The following CFAP91 variants were observed in gnomAD, a reference collection of about 807,000 sequenced individuals.
CFAP91 encodes the protein cilia and flagella associated protein 91.
CFAP91 carries 85 observed loss-of-function variants against 95.9 expected under a neutral mutation model. The observed-to-expected ratio is 0.89, with a 90% CI of 0.74 to 1.06. The LOEUF (loss-of-function observed/expected upper bound fraction) is 1.06, where lower values mean the gene tolerates loss of function less well. CFAP91 is among the 50% of genes least tolerant of loss of function. The probability of loss-of-function intolerance (pLI) is 0.00; values close to 1 mark genes in which losing one functional copy is unlikely to be tolerated. For synonymous variants in CFAP91, 335 were observed against 327.5 expected (o/e 1.02, Z -0.25); for missense variants, 962 against 943.4 (o/e 1.02, Z -0.26).
chr3:119,734,565 A>T lies in CFAP91; in HGVS notation c.1344+1059A>T, dbSNP rs2053965097. Among the ~76,000 whole-genome samples, 3 of 152,210 alleles carry T rather than the reference A, an allele frequency of 2.0e-5. No homozygotes were observed. The South Asian group carries it at 6.2e-4, about 31-fold the overall frequency. On this transcript the variant is annotated intron_variant, in intron 10 of 17. Transcript: ENST00000273390. ...TTTTTGTATATTTTTTAATTATTGT[A>T]GTAACATTTATAATTGTTTATAAAT...
At chr3:119,763,536 A>G (rs1007476114) in intron 17 of CFAP91, among the ~76,000 whole-genome samples, 2 of 152,140 alleles carry the variant, frequency 1.3e-5, no homozygotes, top group African/African-American at 4.8e-5. Context: ...CTGCAGCATT[A>G]ATCACAATAG....
intron 17 of CFAP91, among the ~76,000 whole-genome samples, chr3:119,761,884 T>C (rs2054544429): frequency 6.6e-6 from 1 of 151,936 alleles, no homozygotes; most frequent in African/African-American, 2.4e-5. Flanking sequence ...ACTAACATCA[T>C]TCTCAACAGT....
chr3:119,758,046 AGTTT>A (rs1410191952), intron 17 of CFAP91, among the ~76,000 whole-genome samples: 7 of 152,018 alleles, frequency 4.6e-5, no homozygotes, highest in South Asian at 2.1e-4. Context: ...ATATGTGTGT[AGTTT>A]GTTTGTTTGG....
chr3:119,743,847 C>T (rs1488067481), intron 13 of CFAP91, 128 bp from the exon 14 acceptor site: 1 of 824,084 alleles, frequency 1.2e-6, no homozygotes, highest in East Asian at 2.7e-5. Context: ...GGTAATATTC[C>T]CAGTAAAAAT....
intron 10 of CFAP91, 89 bp downstream of exon 10, chr3:119,733,595 G>A: frequency 7.4e-7 from 1 of 1,356,772 alleles, no homozygotes; most frequent in Non-Finnish European, 1.0e-6. Flanking sequence ...ATGTCCAGTG[G>A]GTCAAACATA....
chr3:119,732,979 C>A (rs2053932245), intron 9 of CFAP91, among the ~76,000 whole-genome samples: 1 of 152,198 alleles, frequency 6.6e-6, no homozygotes, highest in Non-Finnish European at 1.5e-5. Context: ...GCTGGTTACA[C>A]TGCTGAACTT....
intron 4 of CFAP91, 23 bp from the exon 5 acceptor site, chr3:119,709,816 T>G (rs2053441681): frequency 6.3e-7 from 1 of 1,588,308 alleles, no homozygotes; most frequent in Admixed American, 1.7e-5. Context: ...TCCCACACAT[T>G]TATGTTTTCT....
At chr3:119,717,631 G>T (rs1451570671) in intron 6 of CFAP91, among the ~76,000 whole-genome samples, 1 of 150,510 alleles carries the variant, frequency 6.6e-6, no homozygotes, top group African/African-American at 2.4e-5. Flanking sequence ...AGACTCCTGG[G>T]ATTCCATACT....
chr3:119,751,203 T>A, intron 17 of CFAP91, 105 bp downstream of exon 17: 1 of 1,281,260 alleles, frequency 7.8e-7, no homozygotes, highest in Non-Finnish European at 1.1e-6. Context: ...GATTGCTGTT[T>A]AAGAAATGGA....
chr3:119,730,647 T>TGTGTGG (rs1161990308), intron 8 of CFAP91, among the ~76,000 whole-genome samples: 7 of 123,656 alleles, frequency 5.7e-5, no homozygotes, highest in Admixed American at 1.6e-4. Context: ...TGTGTGTGTG[T>TGTGTGG]GTGGTGGGAT....
At chr3:119,707,062 G>T in intron 2 of CFAP91, 177 bp downstream of exon 2, 1 of 579,808 alleles carries the variant, frequency 1.7e-6, no homozygotes, top group Non-Finnish European at 3.1e-6. Flanking sequence ...TCATTGTGAG[G>T]ATTAAGTCAC....
At chr3:119,756,559 G>A (rs540745116) in intron 17 of CFAP91, among the ~76,000 whole-genome samples, 2 of 152,208 alleles carry the variant, frequency 1.3e-5, no homozygotes, top group Non-Finnish European at 2.9e-5. Context: ...ATAAGAAACA[G>A]CAATAATAGG....
At position 119,707,409 on chromosome 3, in the gene CFAP91, A is replaced by G; in HGVS notation, c.207A>G (p.Lys69=). The G allele has an allele frequency of 6.5e-7, 1 of 1,538,270 alleles. No homozygotes were observed. Among genetic ancestry groups the G allele is most frequent in the Non-Finnish European group, 8.8e-7 (1 of 1,131,848 alleles). ...QATLIRSRLR[K]VPRFKTMFSN... ...CCTCCCTTCTCTAACATTAGAGAAA[A>G]GTTCCCAGGTTTAAAACCATGTTCA... Residue 69 remains lysine (K), a synonymous_variant, in exon 3 of 18, where the codon AAA becomes AAG. Coordinates refer to ENST00000273390, the MANE Select transcript of CFAP91 (RefSeq NM_033364.4).
chr3:119,728,830 T>C (rs908265154), intron 7 of CFAP91, among the ~76,000 whole-genome samples: 1 of 152,152 alleles, frequency 6.6e-6, no homozygotes. Flanking sequence ...TTCCCTCTTT[T>C]CCCCCTGCCC....
chr3:119,738,332 CTTTTTTTTTTTTTTT>C (rs556125660), intron 11 of CFAP91, among the ~76,000 whole-genome samples: 425 of 23,090 alleles, frequency 0.018, 11 homozygotes, highest in Non-Finnish European at 0.035. Context: ...GACATATTGT[CTTTTTTTTTTTTTTT>C]TTTTTTTTTT....
intron 10 of CFAP91, among the ~76,000 whole-genome samples, chr3:119,736,508 C>T (rs1455931735): frequency 6.6e-6 from 1 of 151,964 alleles, no homozygotes; most frequent in South Asian, 2.1e-4. Context: ...GATCTCCTGA[C>T]CTCGTGATCC....
chr3:119,741,700 G>A (rs1212800770), intron 13 of CFAP91, among the ~76,000 whole-genome samples: 2 of 152,160 alleles, frequency 1.3e-5, no homozygotes, highest in Admixed American at 1.3e-4. Flanking sequence ...ACAGAATTTA[G>A]TGTTATAGGG....
At chr3:119,733,627 A>G (rs2053944799) in intron 10 of CFAP91, 121 bp downstream of exon 10, 1 of 1,022,038 alleles carries the variant, frequency 9.8e-7, no homozygotes, top group Non-Finnish European at 1.4e-6. Flanking sequence ...TCTGCTCTGC[A>G]CTTTTCTGAG....
chr3:119,747,291 A>G (rs749604591), intron 15 of CFAP91, 28 bp downstream of exon 15: 8 of 1,600,678 alleles, frequency 5.0e-6, no homozygotes. Context: ...AGATTGTAGA[A>G]TGGACAGCCC....
Sources: allele counts gnomAD v4.1 joint callset (sites outside exome capture counted in the v4.1 genomes callset), GRCh38; gene constraint gnomAD v4.1.1; transcripts MANE v1.5; gene names NCBI Gene and HGNC (gene_info 2026-07-23, HGNC 2026-07-21).